The following CIAO3 variants were observed in gnomAD, a reference collection of about 807,000 sequenced individuals.
The protein encoded by CIAO3 is LET1 like/JFP15.
CIAO3 carries 45 observed loss-of-function variants against 51.5 expected under a neutral mutation model. That is an observed-to-expected ratio of 0.87 (90% CI 0.69 to 1.12). The LOEUF is 1.12. Among genes scored for constraint, CIAO3 ranks in the 50% most tolerant of loss-of-function variants. CIAO3 has a pLI of 0.00. For synonymous variants in CIAO3, 314 were observed against 269.3 expected, an observed-to-expected ratio of 1.17 and a Z score of -1.63; for missense variants, 668 against 632.5, an observed-to-expected ratio of 1.06 and a Z score of -0.60.
Position 730,460 on chromosome 16 carries a change from T to C in CIAO3, c.1388A>G (p.His463Arg). 1 of 1,606,736 alleles carries C rather than the reference T, an allele frequency of 6.2e-7. No individual in the cohort carries two copies. Among genetic ancestry groups the C allele is most frequent in the South Asian group, 1.1e-5 (1 of 91,084 alleles). The change falls in exon 11 of 11, where the codon CAC becomes CGC. Residue 463 changes from histidine (H) to arginine (R), a missense_variant. By Grantham distance (29) the His-to-Arg change is conservative. Transcript: ENST00000251588. ...CAGRLLHTQY[H>R]AVEKASTGLG... ...GCCAGTGCTGGCCTTCTCCACGGCG[T>C]GGTACTGCGTATGCAGCAAGCGACC...
rs1226647746 is a variant in CIAO3 at position 730,712 on chromosome 16, A to G, written c.1193-57T>C. On this transcript the variant is annotated intron_variant, in intron 10 of 10. Coordinates refer to ENST00000251588, the MANE Select transcript of CIAO3 (RefSeq NM_022493.3). ...GCCTGCGCCCCAGCCAAGCTTCCTG[A>G]CCACCAGGGAGCAGGGAGGTGACCG... 6 of 1,584,538 alleles carry G rather than the reference A, an allele frequency of 3.8e-6. No homozygotes were observed. In the East Asian group the frequency reaches 1.3e-4, roughly 36 times the overall value.
intron 2 of CIAO3, chr16:739,416 C>A (rs1281331862): frequency 1.7e-6 from 1 of 577,384 alleles, no homozygotes; most frequent in Non-Finnish European, 3.1e-6. Flanking sequence ...CTGCAAATAG[C>A]CCCTCTGCTG....
rs2041353255 is a variant in CIAO3 at position 737,671 on chromosome 16, G to C, written c.163-342C>G. 2 of 1,324,670 alleles carry C rather than the reference G, an allele frequency of 1.5e-6. No homozygotes were observed. The highest frequency in any genetic ancestry group is 9.8e-5 in the East Asian group (2 of 20,488). The allele number at this position is 1,324,670 out of a possible 1,614,324, so 82.1% of individuals were successfully genotyped here. On this transcript the variant is annotated intron_variant, in intron 2 of 10. Transcript: ENST00000251588. This position sits in a 1 kb window ranked among gnomAD's most constrained non-coding sequence, Gnocchi z 5.3. ...CCGGTGCACACTCACAGGGCTGTAG[G>C]GCAGGAAAATGCCGAAGGTGGGCTC...
At chr16:740,040 CA>C in intron 1 of CIAO3, 2 of 1,407,782 alleles carry the variant, frequency 1.4e-6, no homozygotes, top group Non-Finnish European at 9.4e-7. Flanking sequence ...TTCACGTGAA[CA>C]GGGGGCGTGA....
At chr16:733,524 C>T (rs111653096) in intron 6 of CIAO3, 97 bp from the exon 7 acceptor site, 17 of 1,560,828 alleles carry the variant, frequency 1.1e-5, no homozygotes, top group African/African-American at 9.4e-5. Flanking sequence ...GGCCGGACCC[C>T]GAGGGACAGT....
Position 734,811 on chromosome 16 carries a change from C to T in CIAO3, c.500G>A (p.Arg167Gln), listed in dbSNP as rs748256317. The change falls in exon 5 of 11, where the codon CGA (arginine) becomes CAA (glutamine). Residue 167 changes from arginine (R) to glutamine (Q), a missense_variant. Arg to Gln is a conservative substitution (Grantham distance 43). Transcript: ENST00000251588. ...SRHFSLLESQ[R>Q]EFVRRFRGQA... Reference sequence around the variant, plus strand: ...TCCTCGGAATCGCCGCACAAACTCTCGCTGGCTCTCCAGGAGGCTGAAGTG... The same window carrying T: ...TCCTCGGAATCGCCGCACAAACTCTTGCTGGCTCTCCAGGAGGCTGAAGTG... 2.4e-5 allele frequency: 38 copies of T among 1,603,542 alleles called. No individual in the cohort carries two copies. The highest frequency in any genetic ancestry group is 1.7e-4 in the Middle Eastern group (1 of 6,040).
Position 734,725 on chromosome 16 carries a change from C to G in CIAO3, c.574+12G>C. 6.2e-7 allele frequency: 1 copy of G among 1,612,806 alleles called. No individual in the cohort carries two copies. The highest frequency in any genetic ancestry group is 8.5e-7 in the Non-Finnish European group (1 of 1,179,868). The stretch of plus-strand genomic sequence containing the variant: ...GAACTTGACTCTCCCACCACCCGCA[C>G]CATGAGCACACCTGGGCAGGCAGAG... On this transcript the variant is annotated intron_variant, in intron 5 of 10. Coordinates refer to ENST00000251588, the MANE Select transcript of CIAO3 (RefSeq NM_022493.3).
chr16:734,904 C>A, intron 4 of CIAO3, 33 bp from the exon 5 acceptor site: 7 of 1,520,304 alleles, frequency 4.6e-6, no homozygotes, highest in Non-Finnish European at 6.2e-6. Flanking sequence ...TGGTTAACCC[C>A]ATGCGGGACG....
chr16:740,720 C>T lies in CIAO3; in HGVS notation c.66+200G>A, dbSNP rs2041381701. The stretch of plus-strand genomic sequence containing the variant: ...GTTGGGGGGCGCCGCCCTCCCTGGC[C>T]TCAGTTTCCTTGTTGGTAAGAAGCG... On this transcript the variant is annotated intron_variant, in intron 1 of 10. Transcript: ENST00000251588. 1.1e-5 allele frequency: 6 copies of T among 561,104 alleles called. No homozygotes were observed. In the South Asian group the frequency reaches 1.3e-4, roughly 12 times the overall value. The allele number at this position is 561,104 out of a possible 1,614,324, so 34.8% of individuals were successfully genotyped here.
Position 731,019 on chromosome 16 carries a change from G to T in CIAO3, c.1035-19C>A, listed in dbSNP as rs1482771751. On this transcript the variant is annotated intron_variant, in intron 9 of 10. Transcript: ENST00000251588. ...TTTGTTCCTGGGGGGCACAGGCGGG[G>T]TTTGTCTACATGGCACACCCACCAG... The T allele has an allele frequency of 6.2e-6, 10 of 1,611,882 alleles. No individual in the cohort carries two copies. The highest frequency in any genetic ancestry group is 5.0e-5 in the Admixed American group (3 of 59,966).
At position 737,044 on chromosome 16, in the gene CIAO3, C is replaced by G. The variant is rs1397203256; in HGVS notation, c.306+142G>C. 1 of 1,060,022 alleles carries G rather than the reference C, an allele frequency of 9.4e-7. No individual in the cohort carries two copies. The highest frequency in any genetic ancestry group is 2.4e-5 in the East Asian group (1 of 41,610). 65.7% of individuals were successfully genotyped at this position (1,060,022 alleles called of 1,614,324 possible). Reference sequence around the variant, plus strand: ...CCACTGGAGCCCACTGACAAATCACCAAGATTCCAAGCCTCAAAAAGGCAG... The same window carrying G: ...CCACTGGAGCCCACTGACAAATCACGAAGATTCCAAGCCTCAAAAAGGCAG... On this transcript the variant is annotated intron_variant, in intron 3 of 10. Transcript: ENST00000251588. The surrounding 1 kb of genome is among the most constrained non-coding windows in gnomAD (Gnocchi z 5.3).
In CIAO3 at chr16:737,806, G is replaced by A; in HGVS notation, c.163-477C>T. ...AGCCTGGCCTCCGGTGGGCGGGGCA[G>A]AAACAACCGTCAGACTCGCCAAACA... On this transcript the variant is annotated intron_variant, in intron 2 of 10. Transcript: ENST00000251588. The surrounding 1 kb of genome is among the most constrained non-coding windows in gnomAD (Gnocchi z 5.3). The A allele has an allele frequency of 8.3e-7, 1 of 1,198,516 alleles. No individual in the cohort carries two copies. Among genetic ancestry groups the A allele is most frequent in the South Asian group, 1.5e-5 (1 of 66,380 alleles). 74.2% of individuals were successfully genotyped at this position (1,198,516 alleles called of 1,614,324 possible).
In CIAO3 at chr16:731,007, G is replaced by C; in HGVS notation, c.1035-7C>G. 6.2e-7 allele frequency: 1 copy of C among 1,612,450 alleles called. No homozygotes were observed. Among genetic ancestry groups the C allele is most frequent in the Non-Finnish European group, 8.5e-7 (1 of 1,179,778 alleles). On this transcript the variant is annotated splice_region_variant and splice_polypyrimidine_tract_variant and intron_variant, in intron 9 of 10. Transcript: ENST00000251588. ...CTCCTGGAAGTCTTTGTTCCTGGGG[G>C]GCACAGGCGGGGTTTGTCTACATGG...
At chr16:735,194 G>A (rs762781179) in intron 4 of CIAO3, 13 of 304,516 alleles carry the variant, frequency 4.3e-5, no homozygotes, top group Admixed American at 9.3e-5. Flanking sequence ...GAATTGCCAC[G>A]TGCGCTGCTC....
intron 4 of CIAO3, chr16:735,076 T>A: frequency 3.3e-6 from 2 of 607,898 alleles, no homozygotes; most frequent in Middle Eastern, 4.6e-4. Flanking sequence ...TAAAGCCACG[T>A]TGCCTCGGCA....
chr16:737,096 A>G lies in CIAO3; in HGVS notation c.306+90T>C. On this transcript the variant is annotated intron_variant, in intron 3 of 10. Transcript: ENST00000251588. This position sits in a 1 kb window ranked among gnomAD's most constrained non-coding sequence, Gnocchi z 5.3. ...CGCCACCCGCACGACGGACGTCGGC[A>G]CCACACGAGCTGCCCTTGGCAAAAC... is the stretch of plus-strand genomic sequence containing the variant. The G allele has an allele frequency of 6.4e-7, 1 of 1,568,318 alleles. No homozygotes were observed. The highest frequency in any genetic ancestry group is 8.7e-7 in the Non-Finnish European group (1 of 1,143,336).
intron 2 of CIAO3, chr16:738,069 A>G: frequency 9.5e-7 from 1 of 1,047,502 alleles, no homozygotes; most frequent in Non-Finnish European, 1.2e-6. Context: ...TGTGTATCAC[A>G]ATCTGAGCTC....
At chr16:734,000 C>G in intron 6 of CIAO3, 1 of 527,840 alleles carries the variant, frequency 1.9e-6, no homozygotes, top group Admixed American at 3.2e-5. Flanking sequence ...CCCTCAGCCT[C>G]AGGCCTGGCT....
At chr16:731,091 AC>A in intron 9 of CIAO3, 91 bp from the exon 10 acceptor site, 1 of 1,516,080 alleles carries the variant, frequency 6.6e-7, no homozygotes, top group Non-Finnish European at 9.0e-7. Context: ...TCAGGGGATG[AC>A]CGGGTACCTC....
Sources: gnomAD v4.1 joint callset for allele counts on GRCh38, gnomAD v4.1.1 for gene constraint, Gnocchi (gnomAD v3.1) non-coding constraint, MANE v1.5 for transcripts, NCBI Gene and HGNC (gene_info 2026-07-23, HGNC 2026-07-21) for gene names.